Variants in DRD3 observed in about 807,000 individuals in gnomAD.
DRD3 encodes D(3) dopamine receptor.
DRD3 carries 19 observed loss-of-function variants against 36.3 expected under a neutral mutation model. That is an observed-to-expected ratio of 0.52 (90% CI 0.36 to 0.77). The LOEUF (loss-of-function observed/expected upper bound fraction) is 0.77. Among genes scored for constraint, DRD3 ranks in the 30% least tolerant of loss-of-function variants. The probability of loss-of-function intolerance (pLI) is 0.00; values close to 1 mark genes in which losing one functional copy is unlikely to be tolerated. For synonymous variants in DRD3, 195 were observed against 203.7 expected (o/e 0.96, Z 0.36); for missense variants, 465 against 505.3 (o/e 0.92, Z 0.77).
intron 1 of DRD3, among the ~76,000 whole-genome samples, chr3:114,191,541 G>A (rs2078010804): frequency 6.6e-6 from 1 of 152,186 alleles, no homozygotes; most frequent in Admixed American, 6.5e-5. Flanking sequence ...AAGTGGGATG[G>A]AAGCCCTTTG....
chr3:114,179,506 C>G (rs771444401), upstream of DRD3, among the ~76,000 whole-genome samples: 5 of 152,190 alleles, frequency 3.3e-5, no homozygotes, highest in Non-Finnish European at 7.4e-5. Context: ...TACTGCTTCT[C>G]TGTGATATAT....
chr3:114,171,943 G>T lies in DRD3; in HGVS notation c.50C>A (p.Ala17Glu). The change falls in exon 2 of 7, where the codon GCA becomes GAA. Residue 17 changes from alanine (A) to glutamate (E), a missense_variant. Physicochemically the swap from Ala to Glu is moderately radical, Grantham distance 107 (BLOSUM62 -1). Transcript: ENST00000383673. ...LSGHLNYTCG[A>E]ENSTGASQAR... ...CTGGCTGGCACCTGTGGAGTTCTCTGCCCCACAGGTGTAGTTCAGGTGGCC... is the reference window on the plus strand; with the variant it reads ...CTGGCTGGCACCTGTGGAGTTCTCTTCCCCACAGGTGTAGTTCAGGTGGCC... 6.3e-7 allele frequency: 1 copy of T among 1,575,196 alleles called. No individual in the cohort carries two copies. Among genetic ancestry groups the T allele is most frequent in the Non-Finnish European group, 8.6e-7 (1 of 1,160,054 alleles).
intron 2 of DRD3, among the ~76,000 whole-genome samples, chr3:114,164,129 G>A (rs747909554): frequency 3.6e-5 from 5 of 139,994 alleles, no homozygotes; most frequent in Non-Finnish European, 7.6e-5. Context: ...GCTGAGGCAC[G>A]AGAATTGCTT....
intron 1 of DRD3, among the ~76,000 whole-genome samples, chr3:114,175,631 T>C (rs1302166409): frequency 1.3e-5 from 2 of 152,166 alleles, no homozygotes; most frequent in African/African-American, 4.8e-5. Context: ...ATAAAGGATC[T>C]AAGATCAGAT....
chr3:114,168,022 C>A (rs1007730571), intron 2 of DRD3, among the ~76,000 whole-genome samples: 5 of 152,238 alleles, frequency 3.3e-5, no homozygotes, highest in Admixed American at 3.3e-4. Flanking sequence ...CCTGATGGAA[C>A]TGTGCCTGCA....
intron 6 of DRD3, among the ~76,000 whole-genome samples, chr3:114,129,313 G>A (rs1577575445): frequency 6.6e-6 from 1 of 152,026 alleles, no homozygotes; most frequent in African/African-American, 2.4e-5. Flanking sequence ...ATTGCACTCC[G>A]GCCTGGGTGA....
At position 114,176,347 on chromosome 3, in the gene DRD3, C is replaced by T. The variant is rs2077898884; in HGVS notation, c.-36+2310G>A. On this transcript the variant is annotated intron_variant, in intron 1 of 6. Transcript: ENST00000383673. Reference sequence around the variant, plus strand: ...GCTTGGGGGCTCATTCCTGTAATCCCAGCACTTTGGGAGGCTGAGATGGAA... The same window carrying T: ...GCTTGGGGGCTCATTCCTGTAATCCTAGCACTTTGGGAGGCTGAGATGGAA... 2.0e-5 allele frequency among the ~76,000 whole-genome samples: 3 copies of T among 152,116 alleles called. No individual in the cohort carries two copies. The South Asian group carries it at 6.2e-4, about 32-fold the overall frequency.
At position 114,159,785 on chromosome 3, in the gene DRD3, A is replaced by T. The variant is rs1396583854; in HGVS notation, c.353T>A (p.Ile118Asn). 3 of 1,614,136 alleles carry T rather than the reference A, an allele frequency of 1.9e-6. No individual in the cohort carries two copies. In the African/African-American group the frequency reaches 4.0e-5, roughly 22 times the overall value. ...TATGCTGATGGCACAGAGATTAAGG[A>T]TGCTGGCTGTACACATCATGACATC... ...TLDVMMCTAS[I>N]LNLCAISIDR... The change falls in exon 3 of 7, where the codon ATC (isoleucine) becomes AAC (asparagine). Residue 118 changes from isoleucine (I) to asparagine (N), a missense_variant. Ile to Asn is a moderately radical substitution (Grantham distance 149). Transcript: ENST00000383673.
upstream of DRD3, among the ~76,000 whole-genome samples, chr3:114,182,207 G>A (rs1472489550): frequency 2.0e-5 from 3 of 152,194 alleles, no homozygotes; most frequent in South Asian, 2.1e-4. Context: ...CTTAGCCCCT[G>A]TTCCTCTCCA....
At chr3:114,131,554 G>T (rs1055623036) in intron 5 of DRD3, among the ~76,000 whole-genome samples, 154 bp from the exon 6 acceptor site, 1 of 152,222 alleles carries the variant, frequency 6.6e-6, no homozygotes, top group Non-Finnish European at 1.5e-5. Context: ...GTGGGACCAT[G>T]AGAAGTTAAG....
intron 1 of DRD3, among the ~76,000 whole-genome samples, chr3:114,172,910 C>T (rs1382808792): frequency 2.0e-5 from 3 of 151,450 alleles, no homozygotes; most frequent in Non-Finnish European, 4.4e-5. Context: ...TGACTCTTGC[C>T]CCAAGCTCTA....
chr3:114,138,425 G>A lies in DRD3; in HGVS notation c.723+1075C>T, dbSNP rs143696440. The stretch of plus-strand genomic sequence containing the variant: ...AATCATGGTGGAAGGTGAAAGGCAC[G>A]TCTTACATGGCAGCAGACAAGAGAA... On this transcript the variant is annotated intron_variant, in intron 5 of 6. Coordinates refer to ENST00000383673, the MANE Select transcript of DRD3 (RefSeq NM_000796.6). Among the ~76,000 whole-genome samples the A allele has an allele frequency of 1.2e-3, 184 of 152,238 alleles. 2 individuals carry two copies. The highest frequency in any genetic ancestry group is 4.3e-3 in the African/African-American group (177 of 41,526).
chr3:114,187,065 G>A (rs1278912967), intron 1 of DRD3, among the ~76,000 whole-genome samples: 1 of 152,204 alleles, frequency 6.6e-6, no homozygotes, highest in East Asian at 1.9e-4. Context: ...TTTATTCTAG[G>A]CATTTAGGGA....
upstream of DRD3, among the ~76,000 whole-genome samples, chr3:114,179,885 AGCAT>A (rs1381585167): frequency 6.6e-6 from 1 of 152,142 alleles, no homozygotes; most frequent in Non-Finnish European, 1.5e-5. Context: ...TCATTTATTG[AGCAT>A]GTACTTTTAG....
At chr3:114,179,435 T>G (rs2077933261), upstream of DRD3, among the ~76,000 whole-genome samples, 1 of 152,232 alleles carries the variant, frequency 6.6e-6, no homozygotes, top group African/African-American at 2.4e-5. Context: ...AAATGTTAAA[T>G]GTTTACTTAG....
intron 1 of DRD3, among the ~76,000 whole-genome samples, chr3:114,190,661 A>G (rs539056089): frequency 6.9e-6 from 1 of 145,638 alleles, no homozygotes; most frequent in Admixed American, 7.0e-5. Flanking sequence ...TTTACCTGAT[A>G]TGCATTTAAA....
chr3:114,167,530 T>G (rs2077797292), intron 2 of DRD3, among the ~76,000 whole-genome samples: 1 of 152,174 alleles, frequency 6.6e-6, no homozygotes, highest in African/African-American at 2.4e-5. Context: ...CCTGCTTGGT[T>G]TTTGTCCTGA....
At position 114,138,183 on chromosome 3, in the gene DRD3, A is replaced by AAG. The variant is rs1371265174; in HGVS notation, c.723+1316_723+1317insCT. 4.2e-3 allele frequency among the ~76,000 whole-genome samples: 634 copies of AAG among 151,080 alleles called. 7 individuals carry two copies. Among genetic ancestry groups the AAG allele is most frequent in the African/African-American group, 0.015 (611 of 41,066 alleles). On this transcript the variant is annotated intron_variant, in intron 5 of 6. Transcript: ENST00000383673. ...GACTCTGTCTCAAAAAAAAAAAAAA[A>AAG]AAAAAAGATTATCTAGGTCATCAAA...
At chr3:114,131,928 A>G (rs2077434924) in intron 5 of DRD3, among the ~76,000 whole-genome samples, 1 of 152,208 alleles carries the variant, frequency 6.6e-6, no homozygotes, top group African/African-American at 2.4e-5. Flanking sequence ...GTTGGTGAGG[A>G]TGAGAATAGG....
Sources: gnomAD v4.1 joint callset for allele counts (sites outside exome capture counted in the v4.1 genomes callset) on GRCh38, gnomAD v4.1.1 for gene constraint, MANE v1.5 for transcripts, NCBI Gene and HGNC (gene_info 2026-07-23, HGNC 2026-07-21) for gene names.